Variants in MIER2 observed in about 807,000 individuals in gnomAD.
The protein encoded by MIER2 is MIER family member 2, also known as mesoderm induction early response protein 2.
Under a neutral mutation model 67.6 loss-of-function variants are expected in MIER2, and 30 were observed. The ratio of observed to expected loss-of-function variants is 0.44; its 90% confidence interval spans 0.33 to 0.60. MIER2 has a LOEUF of 0.60. Ranked by LOEUF, MIER2 falls within the 20% of genes least tolerant of loss-of-function variation. MIER2 has a pLI of 0.02. For synonymous variants in MIER2, 372 were observed against 312.6 expected (o/e 1.19, Z -2.00); for missense variants, 702 against 745.1 (o/e 0.94, Z 0.67).
In MIER2 at chr19:327,657, C is replaced by A. The variant is rs138494711; in HGVS notation, c.369+207G>T. On this transcript the variant is annotated intron_variant, in intron 4 of 13. Coordinates refer to ENST00000264819, the MANE Select transcript of MIER2 (RefSeq NM_017550.3). ...GATGTGCCCCTCCACCCACCAAAGCCAGAATGACATGTGGCCTGGGGTTAA... is the reference window on the plus strand; with the variant it reads ...GATGTGCCCCTCCACCCACCAAAGCAAGAATGACATGTGGCCTGGGGTTAA... Among the ~76,000 whole-genome samples, 275 of 152,344 alleles carry A rather than the reference C, an allele frequency of 1.8e-3. 1 individual carries two copies. The highest frequency in any genetic ancestry group is 6.4e-3 in the African/African-American group (265 of 41,578).
Position 327,995 on chromosome 19 carries a change from T to C in MIER2, c.244-6A>G. On this transcript the variant is annotated splice_polypyrimidine_tract_variant and splice_region_variant and intron_variant, in intron 3 of 13. Coordinates refer to ENST00000264819, the MANE Select transcript of MIER2 (RefSeq NM_017550.3). Reference sequence around the variant, plus strand: ...TCAAAGGGCATGTCGTTGCTCTGAGTTGGGGAAGGGAACAAGGCCCCATCA... The same window carrying C: ...TCAAAGGGCATGTCGTTGCTCTGAGCTGGGGAAGGGAACAAGGCCCCATCA... 1.2e-6 allele frequency: 2 copies of C among 1,612,874 alleles called. No homozygotes were observed. The highest frequency in any genetic ancestry group is 8.5e-7 in the Non-Finnish European group (1 of 1,179,480).
chr19:323,390 A>G (rs1971585744), intron 7 of MIER2, among the ~76,000 whole-genome samples: 1 of 151,666 alleles, frequency 6.6e-6, no homozygotes, highest in South Asian at 2.1e-4. Context: ...AACCACACAG[A>G]TGACTCAAAG....
chr19:325,553 G>A (rs945668661), intron 7 of MIER2, 82 bp downstream of exon 7: 31 of 1,523,368 alleles, frequency 2.0e-5, no homozygotes, highest in Admixed American at 3.4e-5. Flanking sequence ...GACCTGACCA[G>A]ACTGTCCAAG....
At chr19:322,307 C>G (rs1247448824) in intron 7 of MIER2, among the ~76,000 whole-genome samples, 1 of 152,128 alleles carries the variant, frequency 6.6e-6, no homozygotes, top group African/African-American at 2.4e-5. Flanking sequence ...CTCCAAGAGC[C>G]TGAGGTAAGC....
At chr19:325,727 T>C (rs1254282012) in intron 6 of MIER2, 23 bp from the exon 7 acceptor site, 4 of 1,613,920 alleles carry the variant, frequency 2.5e-6, no homozygotes, top group Non-Finnish European at 3.4e-6. Context: ...CACCTGGGAA[T>C]CAGGACACTG....
chr19:334,119 C>G (rs1367467667), intron 3 of MIER2: 1 of 333,702 alleles, frequency 3.0e-6, no homozygotes, highest in African/African-American at 2.1e-5. Flanking sequence ...GCCACTGCAC[C>G]CAGCCTGAAA....
At chr19:310,152 T>C (rs1970886761) in intron 10 of MIER2, among the ~76,000 whole-genome samples, 1 of 152,082 alleles carries the variant, frequency 6.6e-6, no homozygotes, top group African/African-American at 2.4e-5. Context: ...ACCTCCAACA[T>C]CTCCACCCGG....
At chr19:341,833 G>A (rs138768900) in intron 1 of MIER2, among the ~76,000 whole-genome samples, 11 of 152,248 alleles carry the variant, frequency 7.2e-5, no homozygotes, top group Admixed American at 5.9e-4. Flanking sequence ...AGACCCAGGC[G>A]TCCACCAGGG....
intron 10 of MIER2, among the ~76,000 whole-genome samples, chr19:310,576 ACGGCCGGGAGC>A (rs1249982510): frequency 1.2e-4 from 18 of 146,876 alleles, no homozygotes; most frequent in African/African-American, 2.5e-4. Flanking sequence ...CTATAGAAAC[ACGGCCGGGAGC>A]TGCAGAAACA....
intron 1 of MIER2, 30 bp from the exon 2 acceptor site, chr19:336,203 G>A (rs767430037): frequency 1.8e-5 from 28 of 1,589,318 alleles, no homozygotes; most frequent in Admixed American, 8.5e-5. Context: ...GGGTTAGCTC[G>A]GCCGGCCCAA....
chr19:338,875 C>G (rs962086714), intron 1 of MIER2, among the ~76,000 whole-genome samples: 9 of 152,104 alleles, frequency 5.9e-5, no homozygotes, highest in African/African-American at 1.9e-4. Flanking sequence ...AGTTGGACCC[C>G]TATCTCATAC....
intron 7 of MIER2, among the ~76,000 whole-genome samples, chr19:317,046 A>T (rs141876156): frequency 6.6e-6 from 1 of 152,380 alleles, no homozygotes; most frequent in East Asian, 1.9e-4. Context: ...TTATAAGCTG[A>T]AACAGAAGGA....
At chr19:325,137 G>A (rs138198382) in intron 7 of MIER2, among the ~76,000 whole-genome samples, 26 of 152,370 alleles carry the variant, frequency 1.7e-4, no homozygotes, top group African/African-American at 5.0e-4. Context: ...CAATGGGCAC[G>A]TGACTCCACG....
At position 311,903 on chromosome 19, in the gene MIER2, T is replaced by C; in HGVS notation, c.926A>G (p.Asn309Ser). 1 of 1,614,068 alleles carries C rather than the reference T, an allele frequency of 6.2e-7. No individual in the cohort carries two copies. Among genetic ancestry groups the C allele is most frequent in the Non-Finnish European group, 8.5e-7 (1 of 1,179,956 alleles). The change falls in exon 10 of 14, where the codon AAC becomes AGC. Residue 309 changes from asparagine to serine, a missense_variant. This residue lies in a region of MIER2 where 128 missense variants were observed against 189.7 expected (regional missense o/e 0.67). Transcript: ENST00000264819. ...LCAWSEEECR[N>S]FEHGFRVHGK... ...ATGCACACGGAAGCCGTGCTCAAAG[T>C]TCCTGCACTCCTCTTCACTCCAAGC... is the stretch of plus-strand genomic sequence containing the variant.
intron 1 of MIER2, among the ~76,000 whole-genome samples, chr19:342,228 CGTG>C (rs1972539036): frequency 6.6e-6 from 1 of 152,158 alleles, no homozygotes; most frequent in East Asian, 1.9e-4. Flanking sequence ...AAGGCAGTGG[CGTG>C]GTGGTTAACC....
intron 1 of MIER2, chr19:344,548 C>T (rs1445640078): frequency 1.7e-5 from 5 of 297,078 alleles, no homozygotes; most frequent in Non-Finnish European, 2.4e-5. Context: ...GCACTGCAGC[C>T]CGCGATGTGG....
chr19:312,333 G>T, intron 8 of MIER2, 61 bp from the exon 9 acceptor site: 3 of 1,538,172 alleles, frequency 2.0e-6, no homozygotes, highest in Non-Finnish European at 9.0e-7. Context: ...AGCAAGAACT[G>T]TCTATACCAT....
chr19:311,767 T>C, intron 10 of MIER2, 78 bp downstream of exon 10: 1 of 1,400,726 alleles, frequency 7.1e-7, no homozygotes, highest in Admixed American at 1.8e-5. Flanking sequence ...CAGTCGGCCG[T>C]GTGCTGTGTG....
At chr19:329,134 A>G (rs1971906731) in intron 3 of MIER2, among the ~76,000 whole-genome samples, 1 of 151,978 alleles carries the variant, frequency 6.6e-6, no homozygotes, top group African/African-American at 2.4e-5. Flanking sequence ...CATTCTCTCA[A>G]GATGTTAGCA....
Sources: gnomAD v4.1 joint callset for allele counts (sites outside exome capture counted in the v4.1 genomes callset) on GRCh38, gnomAD v4.1.1 for gene constraint, gnomAD v4.1.1 regional missense constraint, MANE v1.5 for transcripts, NCBI Gene and HGNC (gene_info 2026-07-23, HGNC 2026-07-21) for gene names.